Variants in SLC4A10 observed in about 807,000 individuals in gnomAD.
The protein encoded by SLC4A10 is sodium-driven chloride bicarbonate exchanger.
SLC4A10 carries 42 observed loss-of-function variants against 137.7 expected under a neutral mutation model. That is an observed-to-expected ratio of 0.30 (90% CI 0.24 to 0.39). SLC4A10 has a LOEUF of 0.39. Among genes scored for constraint, SLC4A10 ranks in the 10% least tolerant of loss-of-function variants. The pLI is 1.00. For missense variants in SLC4A10, 925 were observed against 1,355.0 expected (o/e 0.68, Z 4.98); for synonymous variants, 474 against 464.1 (o/e 1.02, Z -0.27).
rs753729825 is a variant in SLC4A10 at position 161,863,085 on chromosome 2, C to A, written c.766+23C>A. On this transcript the variant is annotated intron_variant, in intron 6 of 26. Transcript: ENST00000446997. Reference sequence around the variant, plus strand: ...ATGGTAAATGTTTATTTATTGTGCTCTTTATGTCTACTATAGGTCTCTGAC... The same window carrying A: ...ATGGTAAATGTTTATTTATTGTGCTATTTATGTCTACTATAGGTCTCTGAC... 4 of 1,607,394 alleles carry A rather than the reference C, an allele frequency of 2.5e-6. No individual in the cohort carries two copies. In the Admixed American group the frequency reaches 6.7e-5, roughly 27 times the overall value.
chr2:161,667,689 A>ATG (rs1161670668), intron 1 of SLC4A10, among the ~76,000 whole-genome samples: 1 of 151,560 alleles, frequency 6.6e-6, no homozygotes, highest in Non-Finnish European at 1.5e-5. Context: ...ATATGTACAT[A>ATG]TGTGTGTGTG....
intron 3 of SLC4A10, among the ~76,000 whole-genome samples, chr2:161,834,919 C>G (rs1207517949): frequency 6.6e-6 from 1 of 152,176 alleles, no homozygotes; most frequent in Non-Finnish European, 1.5e-5. Flanking sequence ...CCTGGAGGCC[C>G]TGTTGGAGAC....
chr2:161,974,203 G>A (rs1699013223), intron 23 of SLC4A10, 46 bp from the exon 24 acceptor site: 5 of 1,449,760 alleles, frequency 3.4e-6, no homozygotes, highest in African/African-American at 2.8e-5. Flanking sequence ...ATGTAAAATG[G>A]AGACTCATCA....
At chr2:161,968,708 A>T (rs974416051) in intron 23 of SLC4A10, among the ~76,000 whole-genome samples, 5 of 152,218 alleles carry the variant, frequency 3.3e-5, no homozygotes, top group African/African-American at 1.2e-4. Flanking sequence ...TATAGCTCTG[A>T]CTAGTGCAAA....
At chr2:161,811,912 T>TAG (rs1212434704) in intron 3 of SLC4A10, among the ~76,000 whole-genome samples, 1 of 152,100 alleles carries the variant, frequency 6.6e-6, no homozygotes, top group African/African-American at 2.4e-5. Context: ...TGAAACATGA[T>TAG]AGAGTCTCCA....
rs1264700052 is a variant in SLC4A10, at chr2:161,984,477, C to T, written c.*1325C>T. On this transcript the variant is annotated 3_prime_UTR_variant, in exon 27 of 27. Transcript: ENST00000446997. ...AGTAGTAATCATCAACTTTATAATA[C>T]TCCAATATTCCGTTTTATAATAATT... 1 of 152,050 alleles carries T rather than the reference C, an allele frequency of 6.6e-6. No homozygotes were observed. The highest frequency in any genetic ancestry group is 1.5e-5 in the Non-Finnish European group (1 of 67,968). The allele number at this position is 152,050 out of a possible 1,614,324, so 9.4% of individuals were successfully genotyped here. A position where few individuals can be genotyped will look rare whatever the true frequency, so the allele number is the denominator to read the frequency against.
At chr2:161,722,233 G>A (rs941150915) in intron 1 of SLC4A10, among the ~76,000 whole-genome samples, 5 of 152,126 alleles carry the variant, frequency 3.3e-5, no homozygotes, top group Admixed American at 1.3e-4. Context: ...CTGGAGAGAC[G>A]TTGTGATCAT....
intron 3 of SLC4A10, among the ~76,000 whole-genome samples, chr2:161,839,324 C>T (rs1243370204): frequency 6.6e-6 from 1 of 152,102 alleles, no homozygotes; most frequent in Non-Finnish European, 1.5e-5. Context: ...GTAGGAATGA[C>T]TACAAAGGAG....
At chr2:161,867,673 A>G (rs1043604243) in intron 6 of SLC4A10, among the ~76,000 whole-genome samples, 1 of 151,826 alleles carries the variant, frequency 6.6e-6, no homozygotes, top group African/African-American at 2.4e-5. Context: ...AGGCATACTA[A>G]TTTTTCTCCG....
intron 1 of SLC4A10, among the ~76,000 whole-genome samples, chr2:161,648,432 C>G (rs780372716): frequency 2.0e-5 from 3 of 152,154 alleles, no homozygotes; most frequent in Non-Finnish European, 4.4e-5. Flanking sequence ...TTGGTAAGAA[C>G]TTTGAAGTGA....
chr2:161,855,942 C>A (rs2060074573), intron 5 of SLC4A10, among the ~76,000 whole-genome samples: 1 of 151,920 alleles, frequency 6.6e-6, no homozygotes, highest in Admixed American at 6.6e-5. Flanking sequence ...AACTTAATAT[C>A]TTAATCATAT....
chr2:161,646,782 T>C (rs945846632), intron 1 of SLC4A10, among the ~76,000 whole-genome samples: 1 of 152,072 alleles, frequency 6.6e-6, no homozygotes, highest in Admixed American at 6.5e-5. Context: ...TCCAGTGCCA[T>C]AGATATTTTT....
intron 2 of SLC4A10, among the ~76,000 whole-genome samples, chr2:161,788,415 A>G (rs2125517411): frequency 6.6e-6 from 1 of 152,038 alleles, no homozygotes; most frequent in African/African-American, 2.4e-5. Flanking sequence ...ACTCACCCTC[A>G]GGCAGTCTAA....
chr2:161,967,147 C>G (rs922612176), intron 23 of SLC4A10, among the ~76,000 whole-genome samples: 1 of 152,106 alleles, frequency 6.6e-6, no homozygotes, highest in African/African-American at 2.4e-5. Flanking sequence ...TTTGCACATT[C>G]TCCTCATATC....
chr2:161,871,680 T>A (rs574632443), intron 6 of SLC4A10, among the ~76,000 whole-genome samples: 13 of 152,200 alleles, frequency 8.5e-5, no homozygotes, highest in African/African-American at 3.1e-4. Flanking sequence ...CTAGTACCAG[T>A]ATGCTTATAT....
intron 2 of SLC4A10, among the ~76,000 whole-genome samples, chr2:161,774,389 T>C (rs1239926077): frequency 6.6e-6 from 1 of 151,916 alleles, no homozygotes; most frequent in Admixed American, 6.6e-5. Context: ...GCAATATTTT[T>C]ATTTATTATT....
chr2:161,863,121 G>T (rs907226367), intron 6 of SLC4A10, 59 bp downstream of exon 6: 1 of 1,419,330 alleles, frequency 7.0e-7, no homozygotes, highest in African/African-American at 1.4e-5. Flanking sequence ...ATATCAAAGC[G>T]CTTCTAAATC....
chr2:161,975,159 C>T (rs1485737033), intron 24 of SLC4A10, among the ~76,000 whole-genome samples: 2 of 152,146 alleles, frequency 1.3e-5, no homozygotes, highest in African/African-American at 4.8e-5. Flanking sequence ...AATGTGATTA[C>T]CTCCCTCTTA....
intron 1 of SLC4A10, among the ~76,000 whole-genome samples, chr2:161,743,219 C>T (rs1156875612): frequency 4.6e-5 from 7 of 152,124 alleles, no homozygotes; most frequent in Non-Finnish European, 8.8e-5. Context: ...AGAGTTTCCA[C>T]AATGTTTTCT....
Sources: gnomAD v4.1 joint callset for allele counts (sites outside exome capture counted in the v4.1 genomes callset) on GRCh38, gnomAD v4.1.1 for gene constraint, MANE v1.5 for transcripts, NCBI Gene and HGNC (gene_info 2026-07-23, HGNC 2026-07-21) for gene names.